CPNE4: variants seen among roughly 807,000 people sequenced by gnomAD.
CPNE4 encodes copine 4, also known as copine-4.
Under a neutral mutation model 67.9 loss-of-function variants are expected in CPNE4, and 25 were observed. The observed-to-expected ratio is 0.37, with a 90% CI of 0.27 to 0.51. The LOEUF (loss-of-function observed/expected upper bound fraction) is 0.51. Among genes scored for constraint, CPNE4 ranks in the 20% least tolerant of loss-of-function variants. The probability of loss-of-function intolerance (pLI) is 0.93; values close to 1 mark genes in which losing one functional copy is unlikely to be tolerated. For missense variants in CPNE4, 464 were observed against 690.8 expected, an observed-to-expected ratio of 0.67 and a Z score of 3.68; for synonymous variants, 242 against 244.9, an observed-to-expected ratio of 0.99 and a Z score of 0.11.
intron 2 of CPNE4, among the ~76,000 whole-genome samples, chr3:131,746,188 T>C (rs2107788630): frequency 6.6e-6 from 1 of 152,300 alleles, no homozygotes; most frequent in South Asian, 2.1e-4. Context: ...TACAACGTGA[T>C]GTTTAGATTC....
At chr3:131,998,953 G>A (rs2107659283) in intron 1 of CPNE4, among the ~76,000 whole-genome samples, 1 of 152,074 alleles carries the variant, frequency 6.6e-6, no homozygotes, top group South Asian at 2.1e-4. Context: ...ACCGGATGAT[G>A]AGAAATGCTA....
chr3:131,544,868 C>T (rs549193157), intron 14 of CPNE4, among the ~76,000 whole-genome samples: 2 of 152,290 alleles, frequency 1.3e-5, no homozygotes, highest in African/African-American at 4.8e-5. Context: ...TTATCCTCTA[C>T]CTTCCCCTAA....
intron 2 of CPNE4, among the ~76,000 whole-genome samples, chr3:131,893,378 G>C (rs773041445): frequency 6.6e-6 from 1 of 151,926 alleles, no homozygotes; most frequent in Non-Finnish European, 1.5e-5. Flanking sequence ...GTAATCGTAG[G>C]AGGCTTCAAC....
intron 2 of CPNE4, among the ~76,000 whole-genome samples, chr3:131,833,216 T>C (rs1026989031): frequency 6.6e-5 from 10 of 152,198 alleles, no homozygotes; most frequent in African/African-American, 2.4e-4. Flanking sequence ...CCACCCAGTT[T>C]ATAATATTTT....
intron 2 of CPNE4, among the ~76,000 whole-genome samples, chr3:131,774,440 T>A (rs1161221676): frequency 6.6e-6 from 1 of 152,034 alleles, no homozygotes. Context: ...CCAGCCTGAA[T>A]GTGAAAACCA....
rs1582993836 is a variant in CPNE4 at position 131,670,041 on chromosome 3, C to T, written c.592-277G>A. On this transcript the variant is annotated intron_variant, in intron 6 of 15. Coordinates refer to ENST00000429747, the MANE Select transcript of CPNE4 (RefSeq NM_130808.3). Reference sequence around the variant, plus strand: ...ATGTGGATGCTGAGAATGATCCCTTCTATATCAAAAGGAGTTGAAATTAAG... The same window carrying T: ...ATGTGGATGCTGAGAATGATCCCTTTTATATCAAAAGGAGTTGAAATTAAG... Among the ~76,000 whole-genome samples, 3 of 152,168 alleles carry T rather than the reference C, an allele frequency of 2.0e-5. No individual in the cohort carries two copies. The South Asian group carries it at 6.2e-4, about 32-fold the overall frequency.
chr3:131,909,459 A>G (rs554814339), intron 1 of CPNE4, among the ~76,000 whole-genome samples: 1 of 152,222 alleles, frequency 6.6e-6, no homozygotes, highest in East Asian at 1.9e-4. Context: ...ATCCTCCCTC[A>G]TTTATTCATT....
chr3:131,781,865 C>T (rs530931671), intron 2 of CPNE4, among the ~76,000 whole-genome samples: 7 of 151,966 alleles, frequency 4.6e-5, no homozygotes, highest in African/African-American at 1.4e-4. Flanking sequence ...ACACAAAAAC[C>T]TCACCACCCA....
At chr3:131,944,221 CTCTTT>C (rs1228651095) in intron 1 of CPNE4, among the ~76,000 whole-genome samples, 2 of 138,944 alleles carry the variant, frequency 1.4e-5, no homozygotes, top group Non-Finnish European at 3.3e-5. Flanking sequence ...TTTCCTCTCT[CTCTTT>C]TTTTTTTTCC....
At chr3:131,738,670 C>A (rs981470390) in intron 2 of CPNE4, among the ~76,000 whole-genome samples, 5 of 151,716 alleles carry the variant, frequency 3.3e-5, no homozygotes, top group African/African-American at 7.3e-5. Flanking sequence ...GCTTTGATAG[C>A]CAGAGACTGG....
At position 131,642,607 on chromosome 3, in the gene CPNE4, G is replaced by A. The variant is rs568233671; in HGVS notation, c.681+27068C>T. On this transcript the variant is annotated intron_variant, in intron 7 of 15. Transcript: ENST00000429747. ...GTTCCCATAATCCCCACATGTCATG[G>A]GAAGGACCCAGTGGGAGGTAATTGA... Among the ~76,000 whole-genome samples, 19 of 152,236 alleles carry A rather than the reference G, an allele frequency of 1.2e-4. 1 individual carries two copies. The South Asian group carries it at 3.7e-3, about 30-fold the overall frequency.
rs1559923776 is a variant in CPNE4, at chr3:131,575,122, CT to C, written c.875del (p.Lys292ArgfsTer19). 6.2e-7 allele frequency: 1 copy of C among 1,612,632 alleles called. No homozygotes were observed. The highest frequency in any genetic ancestry group is 1.7e-5 in the Admixed American group (1 of 59,930). ...TGATGTAGTCCAAGAAAGAATGCAT[CT>C]TGTGAATCTGCATAGGAGGGGAGAG... ...TVILNLCKIH[K>X]MHSFLDYIMG... is the part of the protein sequence containing the mutation. On this transcript the variant is annotated frameshift_variant, in exon 10 of 16. Coordinates refer to ENST00000429747, the MANE Select transcript of CPNE4 (RefSeq NM_130808.3). LOFTEE classifies it high-confidence loss of function.
At chr3:131,752,607 A>G (rs1485012071) in intron 2 of CPNE4, among the ~76,000 whole-genome samples, 1 of 152,152 alleles carries the variant, frequency 6.6e-6, no homozygotes, top group African/African-American at 2.4e-5. Context: ...TTTACATTTA[A>G]TGTTCAAGGT....
At chr3:131,645,905 G>A (rs919053233) in intron 7 of CPNE4, among the ~76,000 whole-genome samples, 1 of 152,190 alleles carries the variant, frequency 6.6e-6, no homozygotes, top group African/African-American at 2.4e-5. Flanking sequence ...AGAATTGTGA[G>A]TGGAGCCCTC....
chr3:131,959,090 T>A lies in CPNE4; in HGVS notation c.-1-53646A>T, dbSNP rs1477368836. ...ATCTCGGCTCACTGCAAGCTCCGCC[T>A]CCCGGGTTCACGCCATTCTCCTGTC... On this transcript the variant is annotated intron_variant, in intron 1 of 15. Transcript: ENST00000429747. Among the ~76,000 whole-genome samples the A allele has an allele frequency of 4.9e-5, 2 of 41,154 alleles. 1 individual carries two copies. The highest frequency in any genetic ancestry group is 8.3e-5 in the Non-Finnish European group (2 of 24,202). 27.0% of individuals were successfully genotyped at this position (41,154 alleles called of 152,430 possible).
chr3:131,974,966 C>A (rs555774307), intron 1 of CPNE4, among the ~76,000 whole-genome samples: 12 of 152,190 alleles, frequency 7.9e-5, no homozygotes, highest in Non-Finnish European at 1.6e-4. Context: ...GGAGATTGCA[C>A]CCCTGCACTC....
intron 2 of CPNE4, among the ~76,000 whole-genome samples, chr3:131,743,653 G>A (rs1459140356): frequency 6.6e-6 from 1 of 151,924 alleles, no homozygotes; most frequent in Non-Finnish European, 1.5e-5. Context: ...CATTAAAACA[G>A]GGAAACACAT....
At chr3:131,681,362 A>G (rs1248515796) in intron 6 of CPNE4, among the ~76,000 whole-genome samples, 1 of 152,054 alleles carries the variant, frequency 6.6e-6, no homozygotes, top group African/African-American at 2.4e-5. Flanking sequence ...GAAAGTCTTT[A>G]TTTCTCTTTC....
chr3:131,977,643 GTTCT>G (rs1469461690), intron 1 of CPNE4, among the ~76,000 whole-genome samples: 1 of 152,042 alleles, frequency 6.6e-6, no homozygotes, highest in African/African-American at 2.4e-5. Context: ...CCTCTATGCG[GTTCT>G]TTTTTTAAAA....
Sources: gnomAD v4.1 joint callset for allele counts (sites outside exome capture counted in the v4.1 genomes callset) on GRCh38, gnomAD v4.1.1 for gene constraint, MANE v1.5 for transcripts, NCBI Gene and HGNC (gene_info 2026-07-23, HGNC 2026-07-21) for gene names.